The following CDH2 variants were observed in gnomAD, a reference collection of about 807,000 sequenced individuals.
The protein encoded by CDH2 is cadherin 2, also known as cadherin-2.
Under a neutral mutation model 92.0 loss-of-function variants are expected in CDH2, and 17 were observed. That is an observed-to-expected ratio of 0.18 (90% CI 0.13 to 0.28). The LOEUF (loss-of-function observed/expected upper bound fraction) is 0.28. Ranked by LOEUF, CDH2 falls within the 10% of genes least tolerant of loss-of-function variation. CDH2 has a pLI of 1.00. For synonymous variants in CDH2, 419 were observed against 415.9 expected (o/e 1.01, Z -0.09); for missense variants, 862 against 1,133.1 (o/e 0.76, Z 3.44).
At chr18:28,006,891 G>A (rs1256390110) in intron 5 of CDH2, among the ~76,000 whole-genome samples, 3 of 151,406 alleles carry the variant, frequency 2.0e-5, no homozygotes, top group African/African-American at 7.3e-5. Flanking sequence ...TATATGGCTG[G>A]GCACAGTGAG....
intron 6 of CDH2, among the ~76,000 whole-genome samples, chr18:28,004,315 T>G (rs931031909): frequency 2.6e-5 from 4 of 152,180 alleles, no homozygotes; most frequent in African/African-American, 9.7e-5. Flanking sequence ...GCTGAATGAA[T>G]GAATAAATCA....
intron 2 of CDH2, among the ~76,000 whole-genome samples, chr18:28,130,900 T>C (rs1407766280): frequency 6.6e-6 from 1 of 152,142 alleles, no homozygotes; most frequent in East Asian, 1.9e-4. Flanking sequence ...GAGGTACCCT[T>C]GAAAAAGCAA....
At chr18:27,984,200 G>A (rs1428921733) in intron 13 of CDH2, among the ~76,000 whole-genome samples, 1 of 152,120 alleles carries the variant, frequency 6.6e-6, no homozygotes, top group Non-Finnish European at 1.5e-5. Context: ...TGTAAATGGA[G>A]AAAACATAAA....
At chr18:28,017,763 C>T (rs1437660527) in intron 2 of CDH2, among the ~76,000 whole-genome samples, 1 of 151,922 alleles carries the variant, frequency 6.6e-6, no homozygotes, top group Non-Finnish European at 1.5e-5. Flanking sequence ...AGGGACATAC[C>T]TTAAGGTAAT....
At chr18:28,144,192 G>A (rs17495002) in intron 2 of CDH2, among the ~76,000 whole-genome samples, 3,980 of 151,390 alleles carry the variant, frequency 0.026, 200 homozygotes, top group African/African-American at 0.092. Flanking sequence ...ATATAATCAC[G>A]GGAAAAGCCT....
At chr18:28,147,253 C>T (rs942909644) in intron 2 of CDH2, among the ~76,000 whole-genome samples, 3 of 152,078 alleles carry the variant, frequency 2.0e-5, no homozygotes, top group South Asian at 2.1e-4. Context: ...TAAAGCTTCA[C>T]GTTTTATCTA....
chr18:28,059,176 G>T (rs2014353164), intron 2 of CDH2, among the ~76,000 whole-genome samples: 1 of 152,092 alleles, frequency 6.6e-6, no homozygotes, highest in Non-Finnish European at 1.5e-5. Context: ...TGGTCTCTTT[G>T]GTTGGAATGA....
chr18:28,138,804 A>T (rs1477371160), intron 2 of CDH2, among the ~76,000 whole-genome samples: 1 of 152,110 alleles, frequency 6.6e-6, no homozygotes, highest in East Asian at 1.9e-4. Flanking sequence ...GTGTGACGCC[A>T]AAGTCACCAG....
chr18:27,960,019 A>AACACACACACACAC (rs5823570), intron 15 of CDH2, among the ~76,000 whole-genome samples: 5,501 of 149,564 alleles, frequency 0.037, 124 homozygotes, highest in Non-Finnish European at 0.05. Flanking sequence ...TGTCTCTTAA[A>AACACACACACACAC]ACACACACAC....
intron 2 of CDH2, among the ~76,000 whole-genome samples, chr18:28,048,401 G>A (rs571927162): frequency 6.6e-6 from 1 of 152,214 alleles, no homozygotes; most frequent in South Asian, 2.1e-4. Flanking sequence ...GAAATTATAG[G>A]CAGAGATCTT....
intron 14 of CDH2, among the ~76,000 whole-genome samples, chr18:27,971,437 G>A (rs2011656946): frequency 1.3e-5 from 2 of 151,898 alleles, no homozygotes; most frequent in South Asian, 4.1e-4. Flanking sequence ...AATCAGCCAG[G>A]AAGAATAAAT....
intron 2 of CDH2, among the ~76,000 whole-genome samples, chr18:28,080,899 G>T (rs1027495243): frequency 6.6e-6 from 1 of 152,264 alleles, no homozygotes; most frequent in Admixed American, 6.5e-5. Context: ...TATAAACTTA[G>T]CACCTATTAA....
intron 15 of CDH2, among the ~76,000 whole-genome samples, chr18:27,959,269 G>A (rs532206735): frequency 6.6e-6 from 1 of 152,212 alleles, no homozygotes; most frequent in South Asian, 2.1e-4. Flanking sequence ...CTACCAGACT[G>A]GAAATAAGTT....
intron 1 of CDH2, among the ~76,000 whole-genome samples, chr18:28,149,914 T>C (rs17446882): frequency 6.8e-4 from 103 of 152,200 alleles, no homozygotes; most frequent in Non-Finnish European, 1.2e-3. Flanking sequence ...CAGAAACCAA[T>C]TGAGAAATAA....
chr18:27,955,761 G>GTTTTTTTTTTTTTTTTT lies in CDH2; in HGVS notation c.2515-3419_2515-3403dup, dbSNP rs5823568. 8.1e-3 allele frequency among the ~76,000 whole-genome samples: 900 copies of GTTTTTTTTTTTTTTTTT among 111,472 alleles called. 98 individuals carry two copies. Among genetic ancestry groups the GTTTTTTTTTTTTTTTTT allele is most frequent in the South Asian group, 0.022 (65 of 2,990 alleles). 73.1% of individuals were successfully genotyped at this position (111,472 alleles called of 152,430 possible). A position where few individuals can be genotyped will look rare whatever the true frequency, so the allele number is the denominator to read the frequency against. ...ACAAATCTCTGTTTTCTTTATTTCT[G>GTTTTTTTTTTTTTTTTT]TTTTTTTTTTTTTTTTTTTAAAGAG... On this transcript the variant is annotated intron_variant, in intron 15 of 15. Transcript: ENST00000269141.
chr18:27,949,657 G>A (rs1057112092), downstream of CDH2, among the ~76,000 whole-genome samples: 4 of 151,916 alleles, frequency 2.6e-5, no homozygotes, highest in African/African-American at 9.7e-5. Flanking sequence ...GGACATGTGT[G>A]TGTAAAAATG....
At chr18:28,164,929 T>C (rs1384650390) in intron 1 of CDH2, among the ~76,000 whole-genome samples, 1 of 152,218 alleles carries the variant, frequency 6.6e-6, no homozygotes, top group Non-Finnish European at 1.5e-5. Context: ...TTAAAATATT[T>C]GCCCTTCAAT....
At chr18:28,002,921 A>T in intron 7 of CDH2, 76 bp downstream of exon 7, 1 of 1,252,650 alleles carries the variant, frequency 8.0e-7, no homozygotes, top group Non-Finnish European at 1.2e-6. Context: ...TGATGTGGAG[A>T]TAAAATGTAT....
intron 1 of CDH2, among the ~76,000 whole-genome samples, chr18:28,172,753 C>T (rs1461519224): frequency 6.6e-6 from 1 of 151,946 alleles, no homozygotes; most frequent in Non-Finnish European, 1.5e-5. Context: ...GTATTTGAGC[C>T]AAAAGAACAA....
Sources: allele counts gnomAD v4.1 joint callset (sites outside exome capture counted in the v4.1 genomes callset), GRCh38; gene constraint gnomAD v4.1.1; transcripts MANE v1.5; gene names NCBI Gene and HGNC (gene_info 2026-07-23, HGNC 2026-07-21).